CTDSPL2: variants seen among roughly 807,000 people sequenced by gnomAD.
CTDSPL2 encodes the protein CTD small phosphatase like 2, also known as CTD small phosphatase-like protein 2.
CTDSPL2 carries 5 observed loss-of-function variants against 60.0 expected under a neutral mutation model. That is an observed-to-expected ratio of 0.08 (90% CI 0.04 to 0.18). The LOEUF is 0.18. Among genes scored for constraint, CTDSPL2 ranks in the 10% least tolerant of loss-of-function variants. The pLI, the probability that CTDSPL2 is intolerant of heterozygous loss-of-function variation, is 1.00. For synonymous variants in CTDSPL2, 186 were observed against 189.3 expected (o/e 0.98, Z 0.14); for missense variants, 370 against 548.8 (o/e 0.67, Z 3.26).
chr15:44,455,936 G>A (rs1185331072), intron 1 of CTDSPL2, among the ~76,000 whole-genome samples: 4 of 125,736 alleles, frequency 3.2e-5, no homozygotes, highest in Non-Finnish European at 1.6e-5. Context: ...TGCAGGCTCC[G>A]CCCCCTGGGG....
At chr15:44,498,714 T>C (rs961383171) in intron 7 of CTDSPL2, among the ~76,000 whole-genome samples, 17 of 151,346 alleles carry the variant, frequency 1.1e-4, no homozygotes, top group Non-Finnish European at 2.5e-4. Flanking sequence ...GCCTGACCAA[T>C]ATAGTGAAAC....
chr15:44,497,307 T>TA (rs1367590038), intron 7 of CTDSPL2, among the ~76,000 whole-genome samples, 169 bp downstream of exon 7: 1 of 152,202 alleles, frequency 6.6e-6, no homozygotes, highest in Non-Finnish European at 1.5e-5. Context: ...ACCCTTTTCT[T>TA]ATTCTTATTT....
chr15:44,508,361 T>C (rs564563213), intron 8 of CTDSPL2, among the ~76,000 whole-genome samples: 86 of 152,120 alleles, frequency 5.7e-4, no homozygotes, highest in South Asian at 2.1e-3. Context: ...CCCTAGCATT[T>C]TAGGATTATA....
chr15:44,439,363 G>A lies in CTDSPL2; in HGVS notation c.-25+11591G>A, dbSNP rs374107325. The stretch of plus-strand genomic sequence containing the variant: ...GGGGTTTCACCATATTGACCAGGCC[G>A]GTCTCGAACTCCTGACCTTGTGATC... On this transcript the variant is annotated intron_variant, in intron 1 of 12. Transcript: ENST00000260327. Among the ~76,000 whole-genome samples the A allele has an allele frequency of 3.3e-5, 5 of 151,862 alleles. No individual in the cohort carries two copies. In the East Asian group the frequency reaches 7.7e-4, roughly 24 times the overall value.
At chr15:44,501,734 C>G (rs1216784858) in intron 8 of CTDSPL2, among the ~76,000 whole-genome samples, 1 of 152,262 alleles carries the variant, frequency 6.6e-6, no homozygotes, top group African/African-American at 2.4e-5. Context: ...GATGATTGCA[C>G]TTTAATACGA....
intron 1 of CTDSPL2, among the ~76,000 whole-genome samples, chr15:44,437,983 G>A (rs2080009646): frequency 6.6e-6 from 1 of 152,142 alleles, no homozygotes; most frequent in African/African-American, 2.4e-5. Flanking sequence ...TGTGGCAGCT[G>A]GCTGGGTGCA....
chr15:44,514,176 G>T (rs183294517), intron 8 of CTDSPL2, among the ~76,000 whole-genome samples: 150 of 152,280 alleles, frequency 9.9e-4, no homozygotes, highest in African/African-American at 3.5e-3. Flanking sequence ...GTTGTTTGAA[G>T]GAATTCTGAG....
At position 44,525,287 on chromosome 15, in the gene CTDSPL2, C is replaced by T. The variant is rs1291929212; in HGVS notation, c.*1113C>T. 2 of 397,432 alleles carry T rather than the reference C, an allele frequency of 5.0e-6. No homozygotes were observed. The highest frequency in any genetic ancestry group is 2.1e-5 in the African/African-American group (1 of 48,602). 24.6% of individuals were successfully genotyped at this position (397,432 alleles called of 1,614,324 possible). A position where few individuals can be genotyped will look rare whatever the true frequency, so the allele number is the denominator to read the frequency against. The stretch of plus-strand genomic sequence containing the variant: ...ATGCATAATCCTGTGGCACAGTACA[C>T]TCCCAAGCCACCAATGCAGTTAATA... On this transcript the variant is annotated 3_prime_UTR_variant, in exon 13 of 13. Coordinates refer to ENST00000260327, the MANE Select transcript of CTDSPL2 (RefSeq NM_016396.3).
At chr15:44,523,154 G>A (rs574877839) in intron 12 of CTDSPL2, among the ~76,000 whole-genome samples, 1 of 152,080 alleles carries the variant, frequency 6.6e-6, no homozygotes, top group South Asian at 2.1e-4. Context: ...CCGCCACCAC[G>A]CCTGGCTAAT....
chr15:44,501,249 A>G (rs541195978), intron 8 of CTDSPL2, among the ~76,000 whole-genome samples: 4 of 152,244 alleles, frequency 2.6e-5, no homozygotes, highest in African/African-American at 7.2e-5. Context: ...AAGGAAAGCT[A>G]TTAATTGAAA....
intron 4 of CTDSPL2, among the ~76,000 whole-genome samples, chr15:44,489,826 A>G (rs139543440): frequency 1.3e-5 from 2 of 152,356 alleles, no homozygotes; most frequent in Non-Finnish European, 2.9e-5. Flanking sequence ...GAAGAATTAT[A>G]TAGCCATGTG....
chr15:44,479,224 A>AAAAAAAAC (rs2080979888), intron 2 of CTDSPL2, among the ~76,000 whole-genome samples: 2 of 152,082 alleles, frequency 1.3e-5, no homozygotes, highest in African/African-American at 4.8e-5. Context: ...CTGGCTCTCA[A>AAAAAAAAC]AAGAACAAAA....
chr15:44,487,055 A>T (rs913295057), intron 4 of CTDSPL2, among the ~76,000 whole-genome samples: 2 of 152,224 alleles, frequency 1.3e-5, no homozygotes, highest in African/African-American at 4.8e-5. Flanking sequence ...GATGTGAGCA[A>T]CTGTGCCCAG....
At position 44,486,675 on chromosome 15, in the gene CTDSPL2, CT is replaced by C; in HGVS notation, c.457del (p.Ser153HisfsTer23). The stretch of plus-strand genomic sequence containing the variant: ...GGACCATATTTTCACCTGTCTTCAA[CT>C]TTTTTTCACCAGCAAATAAAAATGG... ...LGTIFSPVFN[F>X]FSPANKNGTS... On this transcript the variant is annotated frameshift_variant, in exon 4 of 13. Transcript: ENST00000260327. LOFTEE classifies it high-confidence loss of function. 3 of 1,577,490 alleles carry C rather than the reference CT, an allele frequency of 1.9e-6. No homozygotes were observed. The highest frequency in any genetic ancestry group is 1.9e-5 in the Admixed American group (1 of 53,002).
chr15:44,507,134 G>A (rs1424580229), intron 8 of CTDSPL2, among the ~76,000 whole-genome samples: 1 of 151,316 alleles, frequency 6.6e-6, no homozygotes, highest in Non-Finnish European at 1.5e-5. Context: ...GCCCAGGCTA[G>A]AGTATGGTGG....
At chr15:44,490,529 C>A (rs1595752552) in intron 4 of CTDSPL2, among the ~76,000 whole-genome samples, 1 of 152,018 alleles carries the variant, frequency 6.6e-6, no homozygotes, top group African/African-American at 2.4e-5. Context: ...TTTTTTGATA[C>A]CTCTGGTTGA....
At chr15:44,473,127 C>A (rs979875712) in intron 2 of CTDSPL2, among the ~76,000 whole-genome samples, 1 of 151,762 alleles carries the variant, frequency 6.6e-6, no homozygotes, top group Non-Finnish European at 1.5e-5. Flanking sequence ...AGATACAAGT[C>A]CCTTTTCAGA....
rs1595754770 is a variant in CTDSPL2, at chr15:44,492,343, A to G, written c.691+1344A>G. Among the ~76,000 whole-genome samples, 3 of 152,312 alleles carry G rather than the reference A, an allele frequency of 2.0e-5. No homozygotes were observed. The South Asian group carries it at 6.2e-4, about 32-fold the overall frequency. On this transcript the variant is annotated intron_variant, in intron 5 of 12. Coordinates refer to ENST00000260327, the MANE Select transcript of CTDSPL2 (RefSeq NM_016396.3). ...AGAGCAAGATCCAGTCTTGGGAAAGACAAAAGAAAAAAAGAAACATAGTTT... is the reference window on the plus strand; with the variant it reads ...AGAGCAAGATCCAGTCTTGGGAAAGGCAAAAGAAAAAAAGAAACATAGTTT...
chr15:44,481,842 G>A (rs2081032866), intron 2 of CTDSPL2, among the ~76,000 whole-genome samples: 1 of 152,100 alleles, frequency 6.6e-6, no homozygotes, highest in African/African-American at 2.4e-5. Flanking sequence ...CAAAGTGCTG[G>A]GATTACAGGC....
Sources: allele counts gnomAD v4.1 joint callset (sites outside exome capture counted in the v4.1 genomes callset), GRCh38; gene constraint gnomAD v4.1.1; transcripts MANE v1.5; gene names NCBI Gene and HGNC (gene_info 2026-07-23, HGNC 2026-07-21).